Variants in SELENBP1 observed in about 807,000 individuals in gnomAD.
SELENBP1 encodes methanethiol oxidase.
In SELENBP1, 71 loss-of-function variants were observed where a neutral mutation model predicts 61.0. The observed-to-expected ratio is 1.16, with a 90% CI of 0.96 to 1.42. The LOEUF (loss-of-function observed/expected upper bound fraction) is 1.42. Among genes scored for constraint, SELENBP1 ranks in the 40% most tolerant of loss-of-function variants. The pLI is 0.00. For missense variants in SELENBP1, 561 were observed against 605.0 expected, an observed-to-expected ratio of 0.93 and a Z score of 0.76; for synonymous variants, 270 against 238.9, an observed-to-expected ratio of 1.13 and a Z score of -1.20.
intron 1 of SELENBP1, among the ~76,000 whole-genome samples, 155 bp downstream of exon 1, chr1:151,372,482 TG>T (rs1447830572): frequency 6.6e-6 from 1 of 151,154 alleles, no homozygotes; most frequent in African/African-American, 2.4e-5. Flanking sequence ...AGTGGGGTGG[TG>T]GGGGAGGGGG....
chr1:151,364,968 A>G lies in SELENBP1; in HGVS notation c.1214T>C (p.Leu405Pro). 6.2e-7 allele frequency: 1 copy of G among 1,613,904 alleles called. No homozygotes were observed. The highest frequency in any genetic ancestry group is 8.5e-7 in the Non-Finnish European group (1 of 1,179,972). The change falls in exon 11 of 12, where the codon CTG becomes CCG. Residue 405 changes from leucine (L) to proline (P), a missense_variant. By Grantham distance (98) the Leu-to-Pro change is moderately conservative. Transcript: ENST00000368868. ...AAACTGCTTGTCCCAGGCACTGTACAGCGACGTGGTGATGTAGAGGCGCTT... is the reference window on the plus strand; with the variant it reads ...AAACTGCTTGTCCCAGGCACTGTACGGCGACGTGGTGATGTAGAGGCGCTT... ...DGKRLYITTSLYSAWDKQFYP... is the reference protein window; with the variant it reads ...DGKRLYITTSPYSAWDKQFYP...
At chr1:151,369,365 C>A in intron 3 of SELENBP1, 77 bp downstream of exon 3, 1 of 1,463,012 alleles carries the variant, frequency 6.8e-7, no homozygotes, top group Admixed American at 1.9e-5. Context: ...AAGGATGGAG[C>A]TGGGAAGGGG....
Position 151,366,795 on chromosome 1 carries a change from A to G in SELENBP1, c.591T>C (p.Asn197=). Residue 197 remains asparagine (N), a synonymous_variant, in exon 6 of 12, where the codon AAT becomes AAC. Transcript: ENST00000368868. ...GYDFWYQPRH[N]VMISTEWAAP... is the part of the protein sequence containing the mutation. ...CTGCCCACTCAGTGCTGATCATGAC[A>G]TTGTGTCGAGGCTGGTACCAGAAGT... is the stretch of plus-strand genomic sequence containing the variant. 1.9e-6 allele frequency: 3 copies of G among 1,614,074 alleles called. No individual in the cohort carries two copies. In the South Asian group the frequency reaches 3.3e-5, roughly 18 times the overall value.
At chr1:151,366,476 G>A in intron 6 of SELENBP1, 23 bp from the exon 7 acceptor site, 1 of 1,605,794 alleles carries the variant, frequency 6.2e-7, no homozygotes, top group Non-Finnish European at 8.5e-7. Context: ...TGGGGCCGGA[G>A]GATAGGCTCA....
At chr1:151,365,947 G>T in intron 7 of SELENBP1, 101 bp from the exon 8 acceptor site, 2 of 1,230,866 alleles carry the variant, frequency 1.6e-6, no homozygotes, top group South Asian at 1.3e-5. Context: ...CTGGGAGGGA[G>T]AGAATAGATG....
rs1651952951 is a variant in SELENBP1 at position 151,368,181 on chromosome 1, C to T, written c.481+18G>A. On this transcript the variant is annotated intron_variant, in intron 5 of 11. Transcript: ENST00000368868. ...ACAGCTGTGGAAGTTTTCATGAGCA[C>T]ACAGTGCTGGCAGGTACCTTTGCCA... 1 of 1,608,978 alleles carries T rather than the reference C, an allele frequency of 6.2e-7. No individual in the cohort carries two copies. Among genetic ancestry groups the T allele is most frequent in the African/African-American group, 1.3e-5 (1 of 74,848 alleles).
chr1:151,365,096 C>G (rs2102089923), intron 10 of SELENBP1, 52 bp from the exon 11 acceptor site: 1 of 1,583,064 alleles, frequency 6.3e-7, no homozygotes, highest in African/African-American at 1.3e-5. Flanking sequence ...TCCTAGGCAC[C>G]ACCCCAACCC....
At chr1:151,369,685 C>T (rs144942956) in intron 2 of SELENBP1, 28 bp downstream of exon 2, 396 of 1,548,918 alleles carry the variant, frequency 2.6e-4, no homozygotes, top group East Asian at 8.5e-4. Flanking sequence ...AGTAGTAGGG[C>T]GCTGGCTCTC....
chr1:151,364,440 G>T lies in SELENBP1; in HGVS notation c.*103C>A. ...GCCACAGTCTCAGCTTGGCTGTGTG[G>T]TACATGCTGCCAAGGGTCGGGTGCC... On this transcript the variant is annotated 3_prime_UTR_variant, in exon 12 of 12. Transcript: ENST00000368868. 1 of 1,385,232 alleles carries T rather than the reference G, an allele frequency of 7.2e-7. No homozygotes were observed. The highest frequency in any genetic ancestry group is 1.0e-6 in the Non-Finnish European group (1 of 981,888). The allele number at this position is 1,385,232 out of a possible 1,614,324, so 85.8% of individuals were successfully genotyped here. A position where few individuals can be genotyped will look rare whatever the true frequency, so the allele number is the denominator to read the frequency against.
chr1:151,371,703 C>A (rs1205171405), intron 1 of SELENBP1, among the ~76,000 whole-genome samples: 1 of 152,076 alleles, frequency 6.6e-6, no homozygotes, highest in Non-Finnish European at 1.5e-5. Flanking sequence ...AAATACAAAG[C>A]TAGGGAGAAG....
At chr1:151,367,481 T>C (rs887409925) in intron 5 of SELENBP1, 1 of 152,076 alleles carries the variant, frequency 6.6e-6, no homozygotes, top group African/African-American at 2.4e-5. Context: ...AGTGCCCCTG[T>C]CTCCTGTCTA....
chr1:151,364,852 G>T, intron 11 of SELENBP1, 74 bp downstream of exon 11: 1 of 1,533,506 alleles, frequency 6.5e-7, no homozygotes, highest in Non-Finnish European at 9.0e-7. Flanking sequence ...TCTCCTTGAG[G>T]AGTCTTCAGA....
In SELENBP1 at chr1:151,366,755, G is replaced by C. The variant is rs199960402; in HGVS notation, c.631C>G (p.Arg211Gly). 3 of 1,614,000 alleles carry C rather than the reference G, an allele frequency of 1.9e-6. No homozygotes were observed. The highest frequency in any genetic ancestry group is 2.5e-6 in the Non-Finnish European group (3 of 1,180,022). ...ACATCAGCGGGGTTGAAGCCATCTC[G>C]TAAGACATTGGGAGCTGCCCACTCA... is the stretch of plus-strand genomic sequence containing the variant. ...STEWAAPNVLRDGFNPADVEA... is the reference protein window; with the variant it reads ...STEWAAPNVLGDGFNPADVEA... The change falls in exon 6 of 12, where the codon CGA becomes GGA. Residue 211 changes from arginine (R) to glycine (G), a missense_variant. Transcript: ENST00000368868.
rs541376907 is a variant in SELENBP1, at chr1:151,370,879, C to T, written c.5-1110G>A. Among the ~76,000 whole-genome samples the T allele has an allele frequency of 4.3e-4, 66 of 152,292 alleles. 1 individual carries two copies. In the South Asian group the frequency reaches 0.013, roughly 31 times the overall value. On this transcript the variant is annotated intron_variant, in intron 1 of 11. Coordinates refer to ENST00000368868, the MANE Select transcript of SELENBP1 (RefSeq NM_003944.4). ...GTGGGGCCTCCACTGGGGCCTGGGA[C>T]TCCCACTCGCAGCAGCCAAGAGACT...
At chr1:151,372,525 A>G in intron 1 of SELENBP1, 113 bp downstream of exon 1, 1 of 1,355,154 alleles carries the variant, frequency 7.4e-7, no homozygotes, top group Middle Eastern at 2.0e-4. Flanking sequence ...AGCAGAGTCC[A>G]CTACTCCCTC....
chr1:151,366,175 T>A, intron 7 of SELENBP1, 100 bp downstream of exon 7: 1 of 1,414,516 alleles, frequency 7.1e-7, no homozygotes, highest in Non-Finnish European at 9.6e-7. Context: ...CCTCATTTTT[T>A]TCGTTCCTGG....
At chr1:151,365,904 G>C in intron 7 of SELENBP1, 58 bp from the exon 8 acceptor site, 1 of 1,580,732 alleles carries the variant, frequency 6.3e-7, no homozygotes, top group South Asian at 1.1e-5. Context: ...TATCAGAATT[G>C]GGGACTAGGG....
Position 151,364,314 on chromosome 1 carries a change from G to C in SELENBP1, c.*229C>G. 1.8e-6 allele frequency: 1 copy of C among 564,406 alleles called. No homozygotes were observed. Among genetic ancestry groups the C allele is most frequent in the Non-Finnish European group, 3.1e-6 (1 of 319,054 alleles). The allele number at this position is 564,406 out of a possible 1,614,324, so 35.0% of individuals were successfully genotyped here. ...AAAGACAAGGCCATCTGAAGGACAG[G>C]GTTACGAGTTTATTTCTTGGTGCCT... On this transcript the variant is annotated 3_prime_UTR_variant, in exon 12 of 12. Transcript: ENST00000368868.
rs1338977452 is a variant in SELENBP1, at chr1:151,372,705, C to G, written c.-64G>C. On this transcript the variant is annotated 5_prime_UTR_variant, in exon 1 of 12. Transcript: ENST00000368868. ...GTGCTGGTGTCAGAGGCCGCTGTTC[C>G]GGGGAAGGAGCGAAGGGAGGGAATT... 1 of 1,613,150 alleles carries G rather than the reference C, an allele frequency of 6.2e-7. No individual in the cohort carries two copies. The highest frequency in any genetic ancestry group is 8.5e-7 in the Non-Finnish European group (1 of 1,179,358).
Sources: gnomAD v4.1 joint callset for allele counts (sites outside exome capture counted in the v4.1 genomes callset) on GRCh38, gnomAD v4.1.1 for gene constraint, MANE v1.5 for transcripts, NCBI Gene and HGNC (gene_info 2026-07-23, HGNC 2026-07-21) for gene names.